The following DHX58 variants were observed in gnomAD, a reference collection of about 807,000 sequenced individuals.
The protein encoded by DHX58 is DExH-box helicase 58, also known as ATP-dependent RNA helicase DHX58.
In DHX58, 51 loss-of-function variants were observed where a neutral mutation model predicts 65.0. The ratio of observed to expected loss-of-function variants is 0.78; its 90% confidence interval spans 0.63 to 0.99. The LOEUF (loss-of-function observed/expected upper bound fraction) is 0.99, where lower values mean the gene tolerates loss of function less well. DHX58 is among the 50% of genes least tolerant of loss of function. The probability of loss-of-function intolerance (pLI) is 0.00; values close to 1 mark genes in which losing one functional copy is unlikely to be tolerated. For synonymous variants in DHX58, 350 were observed against 365.0 expected (o/e 0.96, Z 0.47); for missense variants, 773 against 891.8 (o/e 0.87, Z 1.70).
At position 42,111,398 on chromosome 17, in the gene DHX58, A is replaced by T; in HGVS notation, c.268T>A (p.Phe90Ile). The T allele has an allele frequency of 2.5e-6, 4 of 1,614,202 alleles. No individual in the cohort carries two copies. Among genetic ancestry groups the T allele is most frequent in the Non-Finnish European group, 3.4e-6 (4 of 1,180,036 alleles). Residue 90 changes from phenylalanine (F) to isoleucine (I), a missense_variant, in exon 4 of 14, where the codon TTT becomes ATT. Transcript: ENST00000251642. ...LSGDMGPRAG[F>I]GHLARCHDLL... ...TCATGGCACCGGGCCAGGTGGCCAA[A>T]GCCAGCACGTGGTCCCATGTCCCCA...
At chr17:42,110,661 C>CAGGG in intron 5 of DHX58, 62 bp downstream of exon 5, 1 of 1,510,538 alleles carries the variant, frequency 6.6e-7, no homozygotes, top group Non-Finnish European at 8.8e-7. Flanking sequence ...GCAGGGCAGG[C>CAGGG]AGGGAGGGAG....
intron 5 of DHX58, 100 bp from the exon 6 acceptor site, chr17:42,109,486 G>C (rs1331757963): frequency 1.0e-5 from 10 of 971,060 alleles, no homozygotes; most frequent in Non-Finnish European, 1.5e-5. Flanking sequence ...AGGAGAATGT[G>C]GGCATTCGTC....
rs1568002438 is a variant in DHX58 at position 42,104,868 on chromosome 17, G to T, written c.1461C>A (p.Ser487Arg). The T allele has an allele frequency of 6.2e-7, 1 of 1,614,074 alleles. No homozygotes were observed. ...SVYAFVATEG[S>R]RELKRELINE... ...TGATCAGCTCCCGCTTCAGCTCCCG[G>T]CTACCTTCAGTTGCTACAAACGCGT... Residue 487 changes from serine to arginine, a missense_variant, in exon 11 of 14, where the codon AGC becomes AGA. Transcript: ENST00000251642.
Position 42,108,029 on chromosome 17 carries a change from A to C in DHX58, c.758T>G (p.Phe253Cys). ...CTGCTGCTCATACATTTGCGTCCCAAATTTCCGGCTCAACTCAGGCATCTC... is the reference window on the plus strand; with the variant it reads ...CTGCTGCTCATACATTTGCGTCCCACATTTCCGGCTCAACTCAGGCATCTC... ...HLEMPELSRK[F>C]GTQMYEQQVV... The change falls in exon 7 of 14, where the codon TTT becomes TGT. Residue 253 changes from phenylalanine to cysteine, a missense_variant. Coordinates refer to ENST00000251642, the MANE Select transcript of DHX58 (RefSeq NM_024119.3). 1 of 1,614,202 alleles carries C rather than the reference A, an allele frequency of 6.2e-7. No individual in the cohort carries two copies. Among genetic ancestry groups the C allele is most frequent in the Non-Finnish European group, 8.5e-7 (1 of 1,180,034 alleles).
At chr17:42,108,843 A>ACTCC (rs1555663448) in intron 6 of DHX58, among the ~76,000 whole-genome samples, 2 of 152,230 alleles carry the variant, frequency 1.3e-5, no homozygotes, top group African/African-American at 4.8e-5. Flanking sequence ...CTATCTGCTC[A>ACTCC]CTCACTCCCT....
At chr17:42,112,508 G>C (rs1424779505) in intron 1 of DHX58, 97 bp downstream of exon 1, 1 of 128,220 alleles carries the variant, frequency 7.8e-6, no homozygotes, top group African/African-American at 4.4e-5. Flanking sequence ...CACCCCACTT[G>C]AGGGAGGTGG....
At chr17:42,110,687 G>C in intron 5 of DHX58, 36 bp downstream of exon 5, 1 of 1,553,302 alleles carries the variant, frequency 6.4e-7, no homozygotes, top group Non-Finnish European at 8.7e-7. Flanking sequence ...TCCCTGGTGG[G>C]TCTGGCAGTG....
intron 13 of DHX58, 131 bp downstream of exon 13, chr17:42,102,085 G>T: frequency 7.1e-7 from 1 of 1,412,000 alleles, no homozygotes; most frequent in Non-Finnish European, 9.8e-7. Context: ...TTAGGGAGGG[G>T]CTGGACCTCC....
chr17:42,105,724 C>G lies in DHX58; in HGVS notation c.1251+12G>C, dbSNP rs372283871. ...CCCTCCCAGCGCCAGCATCTTTCCC[C>G]GAAGCCCACACCTGGGTCATGTGGG... On this transcript the variant is annotated intron_variant, in intron 9 of 13. Transcript: ENST00000251642. The G allele has an allele frequency of 6.5e-7, 1 of 1,536,270 alleles. No homozygotes were observed. The highest frequency in any genetic ancestry group is 8.7e-7 in the Non-Finnish European group (1 of 1,144,074).
At chr17:42,110,509 C>G (rs1352005859) in intron 5 of DHX58, among the ~76,000 whole-genome samples, 1 of 152,204 alleles carries the variant, frequency 6.6e-6, no homozygotes, top group African/African-American at 2.4e-5. Context: ...AGAGGTAGAT[C>G]ACGTGGAACT....
chr17:42,111,860 G>A lies in DHX58; in HGVS notation c.33C>T (p.Ile11=), dbSNP rs782396808. Residue 11 remains isoleucine (I), a synonymous_variant, in exon 3 of 14, where the codon ATC becomes ATT. Transcript: ENST00000251642. ...TATTCTTGCCCTCCAGGGCAGGCAT[G>A]ATCACCTCCCATTGGTAGGACCGAA... MELRSYQWEV[I]MPALEGKNII... The A allele has an allele frequency of 1.2e-6, 2 of 1,613,236 alleles. No individual in the cohort carries two copies. The highest frequency in any genetic ancestry group is 2.2e-5 in the South Asian group (2 of 90,928).
chr17:42,111,159 C>A, intron 4 of DHX58, 137 bp downstream of exon 4: 1 of 1,121,496 alleles, frequency 8.9e-7, no homozygotes, highest in Non-Finnish European at 1.3e-6. Context: ...TACTAGAGTG[C>A]CTGCAGGGGT....
Position 42,105,908 on chromosome 17 carries a change from C to T in DHX58, c.1079G>A (p.Arg360Lys). The change falls in exon 9 of 14, where the codon AGG becomes AAG. Residue 360 changes from arginine to lysine, a missense_variant. Physicochemically the swap from Arg to Lys is conservative, Grantham distance 26 (BLOSUM62 2). Transcript: ENST00000251642. ...KLEMLEKILQ[R>K]QFSSSNSPRG... is the part of the protein sequence containing the mutation. The stretch of plus-strand genomic sequence containing the variant: ...AGGGCTGTTAGAGCTACTGAACTGC[C>T]TTTGCAGGATCTTTTCCAGCATCTC... 2 of 1,613,930 alleles carry T rather than the reference C, an allele frequency of 1.2e-6. No individual in the cohort carries two copies. Among genetic ancestry groups the T allele is most frequent in the Non-Finnish European group, 1.7e-6 (2 of 1,180,026 alleles).
chr17:42,109,818 C>T (rs2054120688), intron 5 of DHX58, among the ~76,000 whole-genome samples: 1 of 151,868 alleles, frequency 6.6e-6, no homozygotes, highest in African/African-American at 2.4e-5. Flanking sequence ...TCACTTGAAC[C>T]CGGGAGGTGG....
At chr17:42,108,482 T>TAA (rs2054099172) in intron 6 of DHX58, among the ~76,000 whole-genome samples, 1 of 152,186 alleles carries the variant, frequency 6.6e-6, no homozygotes, top group Admixed American at 6.5e-5. Flanking sequence ...CAGTAGAAGG[T>TAA]AAAACTGCCC....
chr17:42,104,589 G>A (rs1401369280), intron 11 of DHX58, among the ~76,000 whole-genome samples, 177 bp downstream of exon 11: 2 of 152,196 alleles, frequency 1.3e-5, no homozygotes, highest in Non-Finnish European at 2.9e-5. Context: ...CTGGAGTCCA[G>A]GTACTGCCTT....
rs1031972092 is a variant in DHX58, at chr17:42,112,134, C to T, written c.-23G>A. On this transcript the variant is annotated 5_prime_UTR_variant, in exon 2 of 14. Coordinates refer to ENST00000251642, the MANE Select transcript of DHX58 (RefSeq NM_024119.3). Reference sequence around the variant, plus strand: ...TCACCTGCTCTAGTAGGTAGGTCTGCCCAGGGCAGTCCCACTTAACTCAGC... The same window carrying T: ...TCACCTGCTCTAGTAGGTAGGTCTGTCCAGGGCAGTCCCACTTAACTCAGC... The T allele has an allele frequency of 1.6e-4, 72 of 440,228 alleles. No homozygotes were observed. The highest frequency in any genetic ancestry group is 1.0e-3 in the African/African-American group (51 of 49,992). The allele number at this position is 440,228 out of a possible 1,614,324, so 27.3% of individuals were successfully genotyped here.
At chr17:42,112,001 G>A in intron 2 of DHX58, 108 bp from the exon 3 acceptor site, 1 of 1,384,664 alleles carries the variant, frequency 7.2e-7, no homozygotes, top group Non-Finnish European at 9.7e-7. Flanking sequence ...CACCCCACTT[G>A]AGGGAGGTGG....
chr17:42,103,844 G>A (rs368803542), intron 11 of DHX58, 46 bp from the exon 12 acceptor site: 51 of 1,562,056 alleles, frequency 3.3e-5, no homozygotes, highest in Middle Eastern at 4.6e-4. Context: ...CTAAGAGAAC[G>A]TTCCTTGGGG....
Sources: gnomAD v4.1 joint callset for allele counts (sites outside exome capture counted in the v4.1 genomes callset) on GRCh38, gnomAD v4.1.1 for gene constraint, MANE v1.5 for transcripts, NCBI Gene and HGNC (gene_info 2026-07-23, HGNC 2026-07-21) for gene names.